The following CDK19 variants were observed in gnomAD, a reference collection of about 807,000 sequenced individuals.
CDK19 encodes cyclin-dependent kinase 19.
CDK19 carries 20 observed loss-of-function variants against 68.3 expected under a neutral mutation model. The observed-to-expected ratio is 0.29, with a 90% CI of 0.21 to 0.43. CDK19 has a LOEUF of 0.43. CDK19 is among the 20% of genes least tolerant of loss of function. CDK19 has a pLI of 1.00. For missense variants in CDK19, 339 were observed against 623.5 expected (o/e 0.54, Z 4.86); for synonymous variants, 221 against 222.8 (o/e 0.99, Z 0.07).
intron 2 of CDK19, among the ~76,000 whole-genome samples, chr6:110,679,073 C>T (rs1347119326): frequency 6.6e-6 from 1 of 152,126 alleles, no homozygotes; most frequent in Non-Finnish European, 1.5e-5. Context: ...CTTTGGGAGG[C>T]CAAGGCAGGA....
rs1258142574 is a variant in CDK19 at position 110,814,989 on chromosome 6, C to T, written c.128+20G>A. 3.1e-6 allele frequency: 5 copies of T among 1,601,326 alleles called. No individual in the cohort carries two copies. The highest frequency in any genetic ancestry group is 4.3e-6 in the Non-Finnish European group (5 of 1,174,746). ...GGGCGAGGACCCGAGCGAGCCTACT[C>T]CTCCCGCCCCTGCTCTTACCCATCT... is the stretch of plus-strand genomic sequence containing the variant. On this transcript the variant is annotated intron_variant, in intron 1 of 12. Coordinates refer to ENST00000368911, the MANE Select transcript of CDK19 (RefSeq NM_015076.5).
At chr6:110,755,614 C>T (rs1254663117) in intron 1 of CDK19, among the ~76,000 whole-genome samples, 1 of 152,114 alleles carries the variant, frequency 6.6e-6, no homozygotes, top group Non-Finnish European at 1.5e-5. Context: ...AGATTAAGAT[C>T]CATGCTATAT....
chr6:110,695,826 C>A (rs1018576705), intron 2 of CDK19, among the ~76,000 whole-genome samples: 5 of 151,482 alleles, frequency 3.3e-5, no homozygotes, highest in African/African-American at 1.2e-4. Context: ...AGACCAATAA[C>A]AAGTACTGAG....
At chr6:110,698,285 C>T (rs376121494) in intron 2 of CDK19, among the ~76,000 whole-genome samples, 23 of 151,888 alleles carry the variant, frequency 1.5e-4, no homozygotes, top group African/African-American at 4.8e-4. Flanking sequence ...TATCCAGAAT[C>T]TACAAGGAAC....
intron 1 of CDK19, chr6:110,814,727 G>A: frequency 1.6e-6 from 1 of 609,418 alleles, no homozygotes. Flanking sequence ...GTCCCAACTC[G>A]AGTCCCCCCG....
intron 2 of CDK19, among the ~76,000 whole-genome samples, chr6:110,715,833 C>T (rs568828570): frequency 1.7e-3 from 258 of 152,302 alleles, no homozygotes; most frequent in Non-Finnish European, 3.0e-3. Context: ...GTCTCTGAAT[C>T]CTAAAACATC....
chr6:110,615,943 G>A (rs1056161125), intron 12 of CDK19, among the ~76,000 whole-genome samples: 2 of 151,968 alleles, frequency 1.3e-5, no homozygotes, highest in African/African-American at 2.4e-5. Flanking sequence ...CAGTCCTGTG[G>A]CCCCCACCCA....
intron 2 of CDK19, among the ~76,000 whole-genome samples, chr6:110,690,418 G>A (rs9791211): frequency 0.15 from 22,015 of 151,216 alleles, 1,874 homozygotes; most frequent in East Asian, 0.32. Context: ...CCTTTCCCCC[G>A]TAAGACCTCA....
intron 1 of CDK19, among the ~76,000 whole-genome samples, chr6:110,777,378 C>A (rs1480467689): frequency 2.0e-5 from 3 of 152,082 alleles, no homozygotes; most frequent in African/African-American, 7.2e-5. Context: ...ACATAACTCA[C>A]TCAAACATTT....
chr6:110,724,993 A>G (rs1776221670), intron 2 of CDK19, among the ~76,000 whole-genome samples: 1 of 152,190 alleles, frequency 6.6e-6, no homozygotes, highest in Admixed American at 6.6e-5. Flanking sequence ...AAGCAAAATC[A>G]AAGTGTCTCC....
chr6:110,726,985 C>T (rs1299726624), intron 2 of CDK19, among the ~76,000 whole-genome samples: 3 of 152,146 alleles, frequency 2.0e-5, no homozygotes, highest in East Asian at 1.9e-4. Context: ...TTCAGTGGCA[C>T]ATCTTCATAA....
At chr6:110,790,481 G>C (rs1358211599) in intron 1 of CDK19, among the ~76,000 whole-genome samples, 1 of 152,116 alleles carries the variant, frequency 6.6e-6, no homozygotes, top group Non-Finnish European at 1.5e-5. Flanking sequence ...GTTGCAGTGA[G>C]CCAGGATCAC....
At chr6:110,799,489 G>A (rs549576094) in intron 1 of CDK19, among the ~76,000 whole-genome samples, 2 of 152,136 alleles carry the variant, frequency 1.3e-5, no homozygotes, top group South Asian at 2.1e-4. Context: ...GTATCCTCTC[G>A]TATACTTTAA....
At chr6:110,754,743 G>C (rs1235667230) in intron 1 of CDK19, among the ~76,000 whole-genome samples, 1 of 152,156 alleles carries the variant, frequency 6.6e-6, no homozygotes, top group Non-Finnish European at 1.5e-5. Flanking sequence ...GCTTCCCAAA[G>C]TGCTGGGATT....
chr6:110,748,755 A>G (rs1778246049), intron 1 of CDK19, among the ~76,000 whole-genome samples: 1 of 152,260 alleles, frequency 6.6e-6, no homozygotes, highest in Non-Finnish European at 1.5e-5. Context: ...TGAGACAGGG[A>G]AGCTTTATTG....
intron 4 of CDK19, among the ~76,000 whole-genome samples, chr6:110,656,462 G>T (rs1297131468): frequency 1.3e-5 from 2 of 152,142 alleles, no homozygotes; most frequent in Non-Finnish European, 2.9e-5. Context: ...TCTAACTACT[G>T]TTTAAAATGT....
intron 2 of CDK19, among the ~76,000 whole-genome samples, chr6:110,697,884 C>T (rs983912002): frequency 2.0e-5 from 3 of 151,930 alleles, no homozygotes; most frequent in South Asian, 2.1e-4. Flanking sequence ...AACTGATCTT[C>T]GACAAAGCAA....
At chr6:110,694,106 A>C (rs954247438) in intron 2 of CDK19, among the ~76,000 whole-genome samples, 4 of 152,026 alleles carry the variant, frequency 2.6e-5, no homozygotes, top group Non-Finnish European at 4.4e-5. Context: ...TGTTCAGGCA[A>C]CAACTAGCAT....
chr6:110,755,041 C>CTT (rs34041330), intron 1 of CDK19, among the ~76,000 whole-genome samples: 18 of 131,742 alleles, frequency 1.4e-4, no homozygotes, highest in Non-Finnish European at 2.1e-4. Flanking sequence ...CTTGTGAATC[C>CTT]TTTTTTTTTT....
Sources: gnomAD v4.1 joint callset for allele counts (sites outside exome capture counted in the v4.1 genomes callset) on GRCh38, gnomAD v4.1.1 for gene constraint, MANE v1.5 for transcripts, NCBI Gene and HGNC (gene_info 2026-07-23, HGNC 2026-07-21) for gene names.